The following SHC3 variants were observed in gnomAD, a reference collection of about 807,000 sequenced individuals.
The protein encoded by SHC3 is SHC-transforming protein 3.
SHC3 carries 15 observed loss-of-function variants against 60.4 expected under a neutral mutation model. That is an observed-to-expected ratio of 0.25 (90% CI 0.17 to 0.38). The LOEUF (loss-of-function observed/expected upper bound fraction) is 0.38, where lower values mean the gene tolerates loss of function less well. SHC3 is among the 10% of genes least tolerant of loss of function. SHC3 has a pLI of 1.00. For synonymous variants in SHC3, 294 were observed against 325.9 expected (o/e 0.90, Z 1.05); for missense variants, 677 against 786.1 (o/e 0.86, Z 1.66).
chr9:89,146,234 G>T (rs941682884), intron 1 of SHC3, among the ~76,000 whole-genome samples: 1 of 152,048 alleles, frequency 6.6e-6, no homozygotes, highest in African/African-American at 2.4e-5. Context: ...GTGGGTGCCT[G>T]TAGTCTCAGC....
intron 8 of SHC3, among the ~76,000 whole-genome samples, chr9:89,046,318 G>A (rs1237096859): frequency 6.6e-6 from 1 of 151,972 alleles, no homozygotes; most frequent in Non-Finnish European, 1.5e-5. Flanking sequence ...TTTTAGTGGT[G>A]TCATTATCAT....
At chr9:89,082,228 C>T (rs1825456360) in intron 2 of SHC3, among the ~76,000 whole-genome samples, 14 of 152,104 alleles carry the variant, frequency 9.2e-5, no homozygotes, top group Admixed American at 9.2e-4. Flanking sequence ...AAGGAGGTAC[C>T]CATGGGTGCA....
rs562347272 is a variant in SHC3 at position 89,026,330 on chromosome 9, A to G, written c.1656+11663T>C. On this transcript the variant is annotated intron_variant, in intron 11 of 11. Transcript: ENST00000375835. ...TTTCTCTCTGAAGCCTGCTACCTGG[A>G]GGTTTCATCTGCATGGTAAAACCTT... Among the ~76,000 whole-genome samples the G allele has an allele frequency of 4.6e-5, 7 of 151,966 alleles. No individual in the cohort carries two copies. The South Asian group carries it at 1.0e-3, about 23-fold the overall frequency.
At chr9:89,128,931 C>A (rs1293865817) in intron 1 of SHC3, among the ~76,000 whole-genome samples, 1 of 152,130 alleles carries the variant, frequency 6.6e-6, no homozygotes, top group Non-Finnish European at 1.5e-5. Context: ...AAGAAGGCTT[C>A]AGACGATCAG....
intron 1 of SHC3, among the ~76,000 whole-genome samples, chr9:89,175,139 C>T: frequency 6.6e-6 from 1 of 152,280 alleles, no homozygotes; most frequent in Admixed American, 6.5e-5. Context: ...TCTTTTCTAT[C>T]AAGAGCATAG....
rs969813433 is a variant in SHC3 at position 89,178,078 on chromosome 9, C to G, written c.383G>C (p.Arg128Pro). ...CCTGGGCAGCGGCTCGTCGCCGGGC[C>G]GGCCCTTCCTGGCGGCGCTCATGGC... ...APAMSAARKG[R>P]PGDEPLPRPP... Residue 128 changes from arginine (R) to proline (P), a missense_variant, in exon 1 of 12, where the codon CGG becomes CCG. Arg to Pro is a moderately radical substitution (Grantham distance 103, BLOSUM62 -2). Transcript: ENST00000375835. The surrounding 1 kb of genome is among the most constrained non-coding windows in gnomAD (Gnocchi z 6.9). The G allele has an allele frequency of 6.6e-5, 79 of 1,197,128 alleles. No homozygotes were observed. Among genetic ancestry groups the G allele is most frequent in the Admixed American group, 8.9e-5 (2 of 22,350 alleles). The allele number at this position is 1,197,128 out of a possible 1,614,324, so 74.2% of individuals were successfully genotyped here.
intron 3 of SHC3, among the ~76,000 whole-genome samples, chr9:89,076,677 T>C (rs1301118309): frequency 6.6e-6 from 1 of 151,970 alleles, no homozygotes; most frequent in Non-Finnish European, 1.5e-5. Context: ...TCAGACAACA[T>C]CTACCTGCAT....
At chr9:89,042,853 AGT>A (rs1160896681) in intron 9 of SHC3, among the ~76,000 whole-genome samples, 1 of 151,490 alleles carries the variant, frequency 6.6e-6, no homozygotes, top group African/African-American at 2.4e-5. Context: ...ACCGAGACCT[AGT>A]GTGAAAGACC....
At chr9:89,036,600 G>A (rs889564813) in intron 11 of SHC3, among the ~76,000 whole-genome samples, 2 of 152,132 alleles carry the variant, frequency 1.3e-5, no homozygotes, top group Non-Finnish European at 2.9e-5. Flanking sequence ...GACTGCATAC[G>A]TGACGGGCCC....
At chr9:89,131,740 G>T (rs1415846642) in intron 1 of SHC3, among the ~76,000 whole-genome samples, 1 of 152,040 alleles carries the variant, frequency 6.6e-6, no homozygotes, top group African/African-American at 2.4e-5. Context: ...AATAAACTAG[G>T]TATTGATGGG....
chr9:89,155,555 C>T (rs1158396037), intron 1 of SHC3, among the ~76,000 whole-genome samples: 8 of 152,154 alleles, frequency 5.3e-5, no homozygotes, highest in Non-Finnish European at 1.0e-4. Flanking sequence ...CTGCTACCAC[C>T]AGCCAATATG....
chr9:89,017,106 C>A (rs1826110330), intron 11 of SHC3, among the ~76,000 whole-genome samples: 1 of 152,190 alleles, frequency 6.6e-6, no homozygotes, highest in South Asian at 2.1e-4. Context: ...CTATCCCCAT[C>A]AAGCTACCAT....
rs572659943 is a variant in SHC3 at position 89,073,591 on chromosome 9, C to T, written c.729+1518G>A. Among the ~76,000 whole-genome samples the T allele has an allele frequency of 4.6e-5, 7 of 152,302 alleles. No homozygotes were observed. The South Asian group carries it at 6.2e-4, about 14-fold the overall frequency. ...ACACTCATCAACCAAACTACCAGTC[C>T]CCTGGGTGTCCAGAACCTGCCACTT... On this transcript the variant is annotated intron_variant, in intron 4 of 11. Coordinates refer to ENST00000375835, the MANE Select transcript of SHC3 (RefSeq NM_016848.6).
At chr9:89,096,486 T>C (rs1291483839) in intron 2 of SHC3, among the ~76,000 whole-genome samples, 1 of 152,206 alleles carries the variant, frequency 6.6e-6, no homozygotes, top group Non-Finnish European at 1.5e-5. Context: ...ATTGACATGA[T>C]TGCTTAATAT....
intron 7 of SHC3, among the ~76,000 whole-genome samples, chr9:89,050,978 T>C (rs1459802122): frequency 6.6e-6 from 1 of 152,018 alleles, no homozygotes; most frequent in African/African-American, 2.4e-5. Flanking sequence ...GTGAAGTTTC[T>C]AGCAATGTGG....
chr9:89,131,026 A>G (rs1826236588), intron 1 of SHC3, among the ~76,000 whole-genome samples: 1 of 152,204 alleles, frequency 6.6e-6, no homozygotes, highest in Admixed American at 6.5e-5. Context: ...CTAATAAAGA[A>G]GAAAAGAGAG....
At chr9:89,159,379 C>A (rs1826671659) in intron 1 of SHC3, among the ~76,000 whole-genome samples, 1 of 152,080 alleles carries the variant, frequency 6.6e-6, no homozygotes, top group African/African-American at 2.4e-5. Flanking sequence ...ACAGTGGGAT[C>A]ACAACTGTTG....
At chr9:89,023,711 A>C (rs987945915) in intron 11 of SHC3, among the ~76,000 whole-genome samples, 5 of 152,262 alleles carry the variant, frequency 3.3e-5, no homozygotes, top group Non-Finnish European at 2.9e-5. Context: ...AGCAGAACAG[A>C]ATCAGAAGGT....
intron 1 of SHC3, among the ~76,000 whole-genome samples, chr9:89,133,449 G>GACATATGC (rs1826277767): frequency 6.6e-6 from 1 of 152,152 alleles, no homozygotes; most frequent in African/African-American, 2.4e-5. Flanking sequence ...CTGCTATAAA[G>GACATATGC]ACATATGCAC....
Sources: gnomAD v4.1 joint callset for allele counts (sites outside exome capture counted in the v4.1 genomes callset) on GRCh38, gnomAD v4.1.1 for gene constraint, Gnocchi (gnomAD v3.1) non-coding constraint, MANE v1.5 for transcripts, NCBI Gene and HGNC (gene_info 2026-07-23, HGNC 2026-07-21) for gene names.